The following INPP5A variants were observed in gnomAD, a reference collection of about 807,000 sequenced individuals.
INPP5A encodes 43 kDa inositol polyphosphate 5-phophatase.
INPP5A carries 14 observed loss-of-function variants against 65.2 expected under a neutral mutation model. The ratio of observed to expected loss-of-function variants is 0.21; its 90% CI spans 0.14 to 0.34. INPP5A has a LOEUF of 0.34. INPP5A is among the 10% of genes least tolerant of loss of function. The pLI is 1.00. For synonymous variants in INPP5A, 207 were observed against 208.3 expected (o/e 0.99, Z 0.05); for missense variants, 431 against 545.6 (o/e 0.79, Z 2.09).
chr10:132,567,720 C>G (rs1009769534), intron 1 of INPP5A, among the ~76,000 whole-genome samples: 2 of 152,154 alleles, frequency 1.3e-5, no homozygotes, highest in African/African-American at 4.8e-5. Context: ...GGCCTGAAGT[C>G]CAACGATTCC....
chr10:132,645,723 C>G, intron 2 of INPP5A, 145 bp from the exon 3 acceptor site: 4 of 604,034 alleles, frequency 6.6e-6, no homozygotes, highest in Non-Finnish European at 1.2e-5. Context: ...TAGAATCTGT[C>G]CAGAACCCAT....
intron 4 of INPP5A, among the ~76,000 whole-genome samples, chr10:132,665,738 C>G (rs1262206463): frequency 6.9e-6 from 1 of 144,728 alleles, no homozygotes; most frequent in Non-Finnish European, 1.5e-5. Flanking sequence ...ATTGCTTGAG[C>G]TTAGGAGTAA....
rs2133444200 is a variant in INPP5A, at chr10:132,675,097, C to T, written c.307-15295C>T. On this transcript the variant is annotated intron_variant, in intron 4 of 15. Coordinates refer to ENST00000368594, the MANE Select transcript of INPP5A (RefSeq NM_005539.5). The surrounding 1 kb of genome is among the most constrained non-coding windows in gnomAD (Gnocchi z 4.2). The stretch of plus-strand genomic sequence containing the variant: ...CCAAAGTCCAGAAAGTTGGGAATCC[C>T]AGTGAATCCCTAGCAGCATCAAAAA... 6.6e-6 allele frequency among the ~76,000 whole-genome samples: 1 copy of T among 152,312 alleles called. No individual in the cohort carries two copies. Among genetic ancestry groups the T allele is most frequent in the South Asian group, 2.1e-4 (1 of 4,822 alleles).
intron 1 of INPP5A, among the ~76,000 whole-genome samples, chr10:132,591,002 G>A (rs900608368): frequency 1.4e-4 from 22 of 152,224 alleles, no homozygotes; most frequent in African/African-American, 5.1e-4. Flanking sequence ...CTGTCACAGG[G>A]AAGGTGGCAT....
intron 9 of INPP5A, among the ~76,000 whole-genome samples, chr10:132,742,304 C>T (rs1019385712): frequency 1.3e-5 from 2 of 152,252 alleles, no homozygotes; most frequent in African/African-American, 4.8e-5. Flanking sequence ...GCACGCGCAG[C>T]CCCGCCCTGC....
chr10:132,708,281 T>C (rs1350643838), intron 6 of INPP5A, 32 bp from the exon 7 acceptor site: 2 of 1,611,180 alleles, frequency 1.2e-6, no homozygotes, highest in Non-Finnish European at 1.7e-6. Context: ...TCACTTACTC[T>C]GGCTCATTTG....
At position 132,606,286 on chromosome 10, in the gene INPP5A, A is replaced by G. The variant is rs149828944; in HGVS notation, c.76-1629A>G. Among the ~76,000 whole-genome samples the G allele has an allele frequency of 3.5e-3, 529 of 151,562 alleles. 1 individual carries two copies. Among genetic ancestry groups the G allele is most frequent in the Non-Finnish European group, 5.5e-3 (376 of 67,758 alleles). ...TCGCCTCCCCTCCTGCCGGGTCCTC[A>G]GTGGCGGGACAGCGGCGTGGGTCAG... On this transcript the variant is annotated intron_variant, in intron 1 of 15. Coordinates refer to ENST00000368594, the MANE Select transcript of INPP5A (RefSeq NM_005539.5).
intron 5 of INPP5A, among the ~76,000 whole-genome samples, chr10:132,691,058 G>A (rs1462975923): frequency 1.3e-5 from 2 of 152,204 alleles, no homozygotes; most frequent in Non-Finnish European, 2.9e-5. Context: ...CGCGGCCTCC[G>A]GAGCAGATGA....
intron 2 of INPP5A, among the ~76,000 whole-genome samples, chr10:132,636,825 G>C (rs1000946549): frequency 2.0e-5 from 3 of 152,244 alleles, no homozygotes; most frequent in Non-Finnish European, 2.9e-5. Context: ...ATTTCACTGA[G>C]ATGTTTAGGA....
intron 2 of INPP5A, among the ~76,000 whole-genome samples, chr10:132,634,284 C>G (rs1180083091): frequency 6.8e-6 from 1 of 147,596 alleles, no homozygotes; most frequent in Non-Finnish European, 1.5e-5. Context: ...CCCGGAGAGG[C>G]GTATCATCTC....
chr10:132,549,954 G>C lies in INPP5A; in HGVS notation c.75+11783G>C, dbSNP rs1251093186. ...TGGGGTCAGCCTCGAGTTACTAACC[G>C]GGCATTAGGGGATGGGGTCAGCCTC... is the stretch of plus-strand genomic sequence containing the variant. On this transcript the variant is annotated intron_variant, in intron 1 of 15. Coordinates refer to ENST00000368594, the MANE Select transcript of INPP5A (RefSeq NM_005539.5). This position sits in a 1 kb window ranked among gnomAD's most constrained non-coding sequence, Gnocchi z 4.9. Among the ~76,000 whole-genome samples the C allele has an allele frequency of 4.8e-5, 4 of 83,158 alleles. No individual in the cohort carries two copies. The highest frequency in any genetic ancestry group is 4.8e-4 in the Admixed American group (4 of 8,370). The allele number at this position is 83,158 out of a possible 152,430, so 54.6% of individuals were successfully genotyped here.
intron 5 of INPP5A, among the ~76,000 whole-genome samples, chr10:132,693,390 TA>T (rs958818976): frequency 1.3e-5 from 2 of 151,902 alleles, no homozygotes; most frequent in African/African-American, 4.8e-5. Context: ...CAGAGTGGAT[TA>T]AAAAAAATAC....
intron 9 of INPP5A, among the ~76,000 whole-genome samples, chr10:132,734,198 G>A (rs980636133): frequency 1.4e-4 from 21 of 152,176 alleles, no homozygotes; most frequent in African/African-American, 4.1e-4. Flanking sequence ...CTCGTGTGAC[G>A]CAGAAGCATC....
At chr10:132,670,061 C>T (rs1246669813) in intron 4 of INPP5A, among the ~76,000 whole-genome samples, 1 of 143,006 alleles carries the variant, frequency 7.0e-6, no homozygotes, top group Non-Finnish European at 1.5e-5. Context: ...TGCACACGTT[C>T]TCAGCCCCCA....
intron 1 of INPP5A, among the ~76,000 whole-genome samples, chr10:132,557,956 A>G (rs778446071): frequency 6.6e-6 from 1 of 152,116 alleles, no homozygotes; most frequent in African/African-American, 2.4e-5. Context: ...CTGCTGCGAG[A>G]ATTCTAGTCC....
intron 9 of INPP5A, among the ~76,000 whole-genome samples, chr10:132,733,906 A>G (rs907870235): frequency 1.3e-5 from 2 of 152,222 alleles, no homozygotes; most frequent in Non-Finnish European, 2.9e-5. Context: ...TGAAGAACTG[A>G]CAGGAGTGCC....
At chr10:132,660,011 C>T (rs917331140) in intron 4 of INPP5A, among the ~76,000 whole-genome samples, 2 of 152,230 alleles carry the variant, frequency 1.3e-5, no homozygotes, top group South Asian at 2.1e-4. Flanking sequence ...GCTCCGCCGA[C>T]GCGTGACCCA....
chr10:132,708,083 C>T (rs1023750617), intron 6 of INPP5A, among the ~76,000 whole-genome samples: 1 of 152,184 alleles, frequency 6.6e-6, no homozygotes, highest in South Asian at 2.1e-4. Flanking sequence ...ATCTTCCCCC[C>T]ACCCCACCCC....
chr10:132,725,759 T>A (rs1314680511), intron 8 of INPP5A, among the ~76,000 whole-genome samples: 1 of 152,328 alleles, frequency 6.6e-6, no homozygotes, highest in Middle Eastern at 3.4e-3. Context: ...AACCTGAGTT[T>A]ATTATCTCCA....
Sources: gnomAD v4.1 joint callset for allele counts (sites outside exome capture counted in the v4.1 genomes callset) on GRCh38, gnomAD v4.1.1 for gene constraint, Gnocchi (gnomAD v3.1) non-coding constraint, MANE v1.5 for transcripts, NCBI Gene and HGNC (gene_info 2026-07-23, HGNC 2026-07-21) for gene names.